CCDC102B: variants seen among roughly 807,000 people sequenced by gnomAD.
CCDC102B encodes the protein coiled-coil domain-containing protein 102B.
Under a neutral mutation model 57.4 loss-of-function variants are expected in CCDC102B, and 75 were observed. The ratio of observed to expected loss-of-function variants is 1.31; its 90% CI spans 1.08 to 1.58. CCDC102B has a LOEUF of 1.58. Ranked by LOEUF, CCDC102B falls within the 40% of genes most tolerant of loss-of-function variation. The pLI, the probability that CCDC102B is intolerant of heterozygous loss-of-function variation, is 0.00. For synonymous variants in CCDC102B, 206 were observed against 201.9 expected, an observed-to-expected ratio of 1.02 and a Z score of -0.17; for missense variants, 636 against 582.6, an observed-to-expected ratio of 1.09 and a Z score of -0.94.
intron 2 of CCDC102B, among the ~76,000 whole-genome samples, chr18:68,759,164 G>GA (rs2034165951): frequency 6.6e-6 from 1 of 151,768 alleles, no homozygotes; most frequent in South Asian, 2.1e-4. Context: ...GTATAACAAA[G>GA]AAAGAAAAAG....
intron 6 of CCDC102B, among the ~76,000 whole-genome samples, chr18:68,987,295 A>C (rs994180911): frequency 2.0e-5 from 3 of 152,190 alleles, no homozygotes; most frequent in Non-Finnish European, 4.4e-5. Flanking sequence ...ATCTTCGACA[A>C]AGCTGACTAA....
intron 2 of CCDC102B, among the ~76,000 whole-genome samples, chr18:68,746,769 A>G (rs551389260): frequency 6.6e-6 from 1 of 152,042 alleles, no homozygotes; most frequent in South Asian, 2.1e-4. Flanking sequence ...ATTAAAATAT[A>G]ATTGAGATAT....
intron 1 of CCDC102B, among the ~76,000 whole-genome samples, chr18:68,824,538 T>A (rs551980809): frequency 6.6e-6 from 1 of 152,350 alleles, no homozygotes; most frequent in South Asian, 2.1e-4. Flanking sequence ...TTTCGAGTAC[T>A]ATGTTGAACA....
intron 6 of CCDC102B, among the ~76,000 whole-genome samples, chr18:68,924,421 G>A (rs1409996752): frequency 6.6e-6 from 1 of 152,024 alleles, no homozygotes; most frequent in East Asian, 1.9e-4. Context: ...TGAAGACGGT[G>A]TCTTGCTTCC....
rs773856930 is a variant in CCDC102B, at chr18:68,838,655, A to T, written c.607-51A>T. ...TTCTTTATGAAAATGTTTTGTCATC[A>T]TGATTTTTCTCCAGGAGGTTTAAAT... On this transcript the variant is annotated intron_variant, in intron 2 of 7. Coordinates refer to ENST00000360242, the MANE Select transcript of CCDC102B (RefSeq NM_024781.3). The T allele has an allele frequency of 1.9e-6, 3 of 1,579,328 alleles. No individual in the cohort carries two copies. In the African/African-American group the frequency reaches 4.1e-5, roughly 22 times the overall value.
chr18:68,875,924 A>G (rs2039425917), intron 5 of CCDC102B, among the ~76,000 whole-genome samples: 1 of 152,060 alleles, frequency 6.6e-6, no homozygotes, highest in South Asian at 2.1e-4. Context: ...TATAAGTCCT[A>G]AAAGGGGTGT....
At chr18:68,911,713 C>A (rs1192178936) in intron 6 of CCDC102B, among the ~76,000 whole-genome samples, 2 of 119,822 alleles carry the variant, frequency 1.7e-5, no homozygotes, top group African/African-American at 3.4e-5. Flanking sequence ...GATCGCGCCA[C>A]TGCACTCCAG....
rs1295654729 is a variant in CCDC102B at position 68,857,246 on chromosome 18, AT to A, written c.936+10828del. Among the ~76,000 whole-genome samples the A allele has an allele frequency of 6.1e-5, 5 of 82,618 alleles. 1 individual carries two copies. Among genetic ancestry groups the A allele is most frequent in the Non-Finnish European group, 9.3e-5 (4 of 43,010 alleles). The allele number at this position is 82,618 out of a possible 152,430, so 54.2% of individuals were successfully genotyped here. Reference sequence around the variant, plus strand: ...TATATATTTTTATATATAAATATATATTTATTATTTAAATATATAAATATAT... The same window carrying A: ...TATATATTTTTATATATAAATATATATTATTATTTAAATATATAAATATAT... On this transcript the variant is annotated intron_variant, in intron 4 of 7. Transcript: ENST00000360242.
At chr18:68,875,745 T>G (rs1428220230) in intron 5 of CCDC102B, among the ~76,000 whole-genome samples, 3 of 152,016 alleles carry the variant, frequency 2.0e-5, no homozygotes, top group South Asian at 2.1e-4. Flanking sequence ...AATAATAATA[T>G]TAATAATAAT....
intron 1 of CCDC102B, among the ~76,000 whole-genome samples, chr18:68,818,219 T>TGGTC (rs1829648667): frequency 8.7e-6 from 1 of 114,968 alleles, no homozygotes; most frequent in Non-Finnish European, 1.7e-5. Context: ...GCTGTCCCTG[T>TGGTC]GGTCTGTACT....
intron 4 of CCDC102B, among the ~76,000 whole-genome samples, chr18:68,847,619 T>C (rs947783993): frequency 2.6e-4 from 39 of 151,948 alleles, no homozygotes; most frequent in Middle Eastern, 3.4e-3. Flanking sequence ...ATATGACTTT[T>C]GGTAGCAAAG....
intron 5 of CCDC102B, among the ~76,000 whole-genome samples, chr18:68,895,883 A>G (rs2040225047): frequency 1.3e-5 from 2 of 151,988 alleles, no homozygotes; most frequent in Admixed American, 6.6e-5. Flanking sequence ...TATGCAATAA[A>G]TTACATTGAT....
intron 2 of CCDC102B, among the ~76,000 whole-genome samples, chr18:68,765,320 G>GAAAAA: frequency 4.9e-5 from 2 of 40,618 alleles, no homozygotes; most frequent in Non-Finnish European, 1.0e-4. Context: ...AAGGAAGGAA[G>GAAAAA]GAAGGAAAGA....
In CCDC102B at chr18:69,046,401, A is replaced by C. The variant is rs193172956; in HGVS notation, c.1435-7629A>C. On this transcript the variant is annotated intron_variant, in intron 7 of 7. Transcript: ENST00000360242. ...TTGGATGCATGAATGTCTTCTTTTG[A>C]GAACTGTCTGTTCATATCCTCGGCC... 2.5e-3 allele frequency among the ~76,000 whole-genome samples: 383 copies of C among 152,264 alleles called. 2 individuals are homozygous for C. The highest frequency in any genetic ancestry group is 8.0e-3 in the African/African-American group (332 of 41,562).
At chr18:68,930,917 C>G (rs1356446510) in intron 6 of CCDC102B, among the ~76,000 whole-genome samples, 1 of 149,272 alleles carries the variant, frequency 6.7e-6, no homozygotes, top group African/African-American at 2.5e-5. Flanking sequence ...AACACATACA[C>G]TTTTTTTTTT....
intron 1 of CCDC102B, among the ~76,000 whole-genome samples, chr18:68,818,268 T>C (rs997662924): frequency 3.9e-5 from 6 of 152,186 alleles, no homozygotes; most frequent in Non-Finnish European, 8.8e-5. Flanking sequence ...GATAGTATTC[T>C]GTTTATCGTG....
At chr18:68,870,265 G>A (rs931845199) in intron 4 of CCDC102B, among the ~76,000 whole-genome samples, 14 of 152,050 alleles carry the variant, frequency 9.2e-5, no homozygotes, top group Non-Finnish European at 2.9e-5. Flanking sequence ...CCTAGATGAC[G>A]GGTTGATAGG....
chr18:68,720,061 C>T (rs539496883), intron 2 of CCDC102B, among the ~76,000 whole-genome samples: 129 of 152,102 alleles, frequency 8.5e-4, no homozygotes, highest in African/African-American at 3.0e-3. Context: ...TCTGCAGTAA[C>T]ACATAAGAGA....
intron 2 of CCDC102B, among the ~76,000 whole-genome samples, chr18:68,780,466 A>C (rs1599449718): frequency 9.3e-6 from 1 of 107,896 alleles, no homozygotes; most frequent in South Asian, 3.6e-4. Flanking sequence ...TTTCATCAAC[A>C]CTTGTTTTTT....
Sources: allele counts gnomAD v4.1 joint callset (sites outside exome capture counted in the v4.1 genomes callset), GRCh38; gene constraint gnomAD v4.1.1; transcripts MANE v1.5; gene names NCBI Gene and HGNC (gene_info 2026-07-23, HGNC 2026-07-21).